Variants in TBC1D21 observed in about 807,000 individuals in gnomAD.
The protein encoded by TBC1D21 is male germ cell Rab GTPase-activating protein.
Under a neutral mutation model 46.0 loss-of-function variants are expected in TBC1D21, and 38 were observed. That is an observed-to-expected ratio of 0.83 (90% CI 0.64 to 1.08). The LOEUF is 1.08. TBC1D21 is among the 50% of genes least tolerant of loss of function. TBC1D21 has a pLI of 0.00. For missense variants in TBC1D21, 415 were observed against 417.9 expected, an observed-to-expected ratio of 0.99 and a Z score of 0.06; for synonymous variants, 151 against 157.2, an observed-to-expected ratio of 0.96 and a Z score of 0.29.
intron 8 of TBC1D21, among the ~76,000 whole-genome samples, chr15:73,887,218 C>A (rs2068264224): frequency 6.6e-6 from 1 of 152,232 alleles, no homozygotes; most frequent in African/African-American, 2.4e-5. Flanking sequence ...GGTCTCCATG[C>A]CCAAGTCCAT....
the TBC1D21 span, among the ~76,000 whole-genome samples, chr15:73,903,519 A>C: frequency 1.3e-5 from 2 of 152,202 alleles, no homozygotes; most frequent in South Asian, 4.1e-4. Flanking sequence ...TCCCTGTCTC[A>C]CTTCCCTACT....
At chr15:73,886,245 C>G in intron 7 of TBC1D21, 71 bp downstream of exon 7, 1 of 1,373,782 alleles carries the variant, frequency 7.3e-7, no homozygotes, top group Non-Finnish European at 1.0e-6. Context: ...ACCCAACTGT[C>G]AGTCCCTAAT....
intron 7 of TBC1D21, 97 bp downstream of exon 7, chr15:73,886,271 G>T (rs1345069823): frequency 1.8e-6 from 2 of 1,110,164 alleles, no homozygotes; most frequent in Non-Finnish European, 2.7e-6. Flanking sequence ...GGGGGCTGGA[G>T]AGCAGCAGAA....
intron 8 of TBC1D21, 99 bp from the exon 9 acceptor site, chr15:73,887,521 T>A: frequency 1.1e-6 from 1 of 943,800 alleles, no homozygotes; most frequent in Non-Finnish European, 1.7e-6. Flanking sequence ...GGCCCAGGAA[T>A]GGCTGACTCC....
chr15:73,881,724 G>T lies in TBC1D21; in HGVS notation c.249G>T (p.Arg83=), dbSNP rs763225574. 2 of 1,613,840 alleles carry T rather than the reference G, an allele frequency of 1.2e-6. No homozygotes were observed. Among genetic ancestry groups the T allele is most frequent in the South Asian group, 2.2e-5 (2 of 91,034 alleles). ...YFSWQSSQDE[R]LTVDSMRRKN... ...CATGGCAGAGTTCCCAGGATGAGCG[G>T]CTCACGGTGGACAGCATGAGGAGGT... Residue 83 remains arginine (R), a synonymous_variant, in exon 3 of 11, where the codon CGG becomes CGT. Transcript: ENST00000300504.
At position 73,873,747 on chromosome 15, in the gene TBC1D21, G is replaced by T. The variant is rs777572629; in HGVS notation, c.38G>T (p.Arg13Ile). 6.2e-7 allele frequency: 1 copy of T among 1,610,578 alleles called. No individual in the cohort carries two copies. Among genetic ancestry groups the T allele is most frequent in the South Asian group, 1.1e-5 (1 of 90,176 alleles). The change falls in exon 1 of 11, where the codon AGA (arginine) becomes ATA (isoleucine). Residue 13 changes from arginine to isoleucine, a missense_variant. Arg to Ile is a moderately conservative substitution (Grantham distance 97). Coordinates refer to ENST00000300504, the MANE Select transcript of TBC1D21 (RefSeq NM_153356.3). ...TLSPENSLSA[R>I]QSASFILVKR... ...TCTCCTGAAAACAGCCTCTCTGCCA[G>T]ACAGTCAGCCTCCTTCATCCTGGTG... is the stretch of plus-strand genomic sequence containing the variant.
the TBC1D21 span, among the ~76,000 whole-genome samples, chr15:73,906,536 G>A: frequency 6.6e-6 from 1 of 152,208 alleles, no homozygotes; most frequent in African/African-American, 2.4e-5. Context: ...GTACACGGAG[G>A]AGGAAGGCAG....
At chr15:73,895,201 G>A in the TBC1D21 span, among the ~76,000 whole-genome samples, 1 of 152,238 alleles carries the variant, frequency 6.6e-6, no homozygotes, top group Non-Finnish European at 1.5e-5. Context: ...CAGAACAGGA[G>A]TTTAATGAAG....
chr15:73,877,570 T>C (rs1007332933), intron 1 of TBC1D21, among the ~76,000 whole-genome samples: 5 of 137,546 alleles, frequency 3.6e-5, no homozygotes, highest in Non-Finnish European at 6.2e-5. Context: ...ACTCATTTTA[T>C]GAGGCCAACA....
downstream of TBC1D21, among the ~76,000 whole-genome samples, chr15:73,891,414 A>G (rs2068335363): frequency 6.6e-6 from 1 of 152,214 alleles, no homozygotes; most frequent in African/African-American, 2.4e-5. Context: ...AGCCACTGCC[A>G]TGATGCCAGC....
chr15:73,875,424 A>G (rs1251309080), intron 1 of TBC1D21, among the ~76,000 whole-genome samples: 2 of 152,040 alleles, frequency 1.3e-5, no homozygotes, highest in African/African-American at 4.8e-5. Context: ...GAAACTTGGC[A>G]TTAAAACCCT....
chr15:73,887,508 C>T (rs1392383582), intron 8 of TBC1D21, 112 bp from the exon 9 acceptor site: 7 of 825,566 alleles, frequency 8.5e-6, no homozygotes, highest in Non-Finnish European at 1.4e-5. Context: ...AAGTCAGCAG[C>T]AAGGCCCAGG....
Position 73,886,146 on chromosome 15 carries a change from C to T in TBC1D21, c.648C>T (p.Phe216=), listed in dbSNP as rs755193530. The change falls in exon 7 of 11, where the codon TTC becomes TTT. Residue 216 remains phenylalanine (F), a synonymous_variant. Coordinates refer to ENST00000300504, the MANE Select transcript of TBC1D21 (RefSeq NM_153356.3). ...ACATGCTCAGCACCCTGATCACCTT[C>T]CTGGACCCCGTGTTTGCTGAGCACC... The part of the protein sequence containing the change: ...NLDMLSTLIT[F]LDPVFAEHLK... 6.2e-7 allele frequency: 1 copy of T among 1,614,224 alleles called. No individual in the cohort carries two copies. The highest frequency in any genetic ancestry group is 8.5e-7 in the Non-Finnish European group (1 of 1,180,040).
chr15:73,900,289 G>A, the TBC1D21 span, among the ~76,000 whole-genome samples: 5 of 152,260 alleles, frequency 3.3e-5, no homozygotes, highest in Admixed American at 2.0e-4. Flanking sequence ...TGGTGCCTTC[G>A]TGCTAAGCAA....
chr15:73,874,130 C>G (rs1443597283), intron 1 of TBC1D21, among the ~76,000 whole-genome samples: 1 of 152,238 alleles, frequency 6.6e-6, no homozygotes, highest in Non-Finnish European at 1.5e-5. Flanking sequence ...GTAGGTAGTT[C>G]TAAACCCAGT....
chr15:73,887,766 C>G, intron 9 of TBC1D21, 30 bp downstream of exon 9: 1 of 1,587,856 alleles, frequency 6.3e-7, no homozygotes, highest in Non-Finnish European at 8.6e-7. Flanking sequence ...AGCTACCACC[C>G]CTGCTCCTGG....
chr15:73,902,995 T>A, the TBC1D21 span, among the ~76,000 whole-genome samples: 1 of 152,216 alleles, frequency 6.6e-6, no homozygotes, highest in South Asian at 2.1e-4. Flanking sequence ...AGCAACTCCA[T>A]AACCAGACCC....
At chr15:73,898,880 A>AAAAAAAAAAAAAAAT in the TBC1D21 span, among the ~76,000 whole-genome samples, 7 of 56,802 alleles carry the variant, frequency 1.2e-4, no homozygotes, top group East Asian at 3.6e-4. Context: ...AAAAAAAAAA[A>AAAAAAAAAAAAAAAT]ATATATATAT....
At chr15:73,885,925 TCA>T (rs1032084344) in intron 6 of TBC1D21, among the ~76,000 whole-genome samples, 151 bp from the exon 7 acceptor site, 2 of 150,262 alleles carry the variant, frequency 1.3e-5, no homozygotes, top group South Asian at 2.1e-4. Flanking sequence ...ATGCACACAC[TCA>T]CACACACACA....
Sources: gnomAD v4.1 joint callset for allele counts (sites outside exome capture counted in the v4.1 genomes callset) on GRCh38, gnomAD v4.1.1 for gene constraint, MANE v1.5 for transcripts, NCBI Gene and HGNC (gene_info 2026-07-23, HGNC 2026-07-21) for gene names.